SLC22A5: variants seen among roughly 807,000 people sequenced by gnomAD.
SLC22A5 encodes organic cation/carnitine transporter 2.
In SLC22A5, 44 loss-of-function variants were observed where a neutral mutation model predicts 56.7. That is an observed-to-expected ratio of 0.78 (90% CI 0.61 to 1.00). The LOEUF (loss-of-function observed/expected upper bound fraction) is 1.00. Among genes scored for constraint, SLC22A5 ranks in the 50% least tolerant of loss-of-function variants. The pLI is 0.00. For missense variants in SLC22A5, 675 were observed against 723.0 expected (o/e 0.93, Z 0.76); for synonymous variants, 278 against 292.1 (o/e 0.95, Z 0.49).
intron 2 of SLC22A5, chr5:132,383,447 A>C (rs1561570132): frequency 6.5e-6 from 1 of 153,728 alleles, no homozygotes. Context: ...AGTTCAGCAC[A>C]TTCCTCTATG....
In SLC22A5 at chr5:132,370,953, C is replaced by CTTTTTTTTTTT. The variant is rs750736082; in HGVS notation, c.393+590_393+600dup. On this transcript the variant is annotated intron_variant, in intron 1 of 9. Coordinates refer to ENST00000245407, the MANE Select transcript of SLC22A5 (RefSeq NM_003060.4). The stretch of plus-strand genomic sequence containing the variant: ...CCTTTTCCCATGGTCAGTTGTCAGT[C>CTTTTTTTTTTT]TTTTTTTTTTTTGAGACAGAGTCTC... 5.8e-3 allele frequency among the ~76,000 whole-genome samples: 770 copies of CTTTTTTTTTTT among 133,702 alleles called. 32 individuals are homozygous for CTTTTTTTTTTT. Among genetic ancestry groups the CTTTTTTTTTTT allele is most frequent in the African/African-American group, 9.0e-3 (333 of 36,882 alleles). The allele number at this position is 133,702 out of a possible 152,430, so 87.7% of individuals were successfully genotyped here.
chr5:132,388,954 C>A lies in SLC22A5; in HGVS notation c.985C>A (p.His329Asn). 6.2e-7 allele frequency: 1 copy of A among 1,613,850 alleles called. No homozygotes were observed. The highest frequency in any genetic ancestry group is 8.5e-7 in the Non-Finnish European group (1 of 1,179,756). ...CCTAAGTTCCAAGAAGCAGCAGTCC[C>A]ACAACATTCTGGATCTGCTTCGAAC... Reference protein sequence around the residue: ...QDLSSKKQQSHNILDLLRTWN... With the variant: ...QDLSSKKQQSNNILDLLRTWN... Residue 329 changes from histidine (H) to asparagine (N), a missense_variant, in exon 6 of 10, where the codon CAC becomes AAC. Transcript: ENST00000245407.
intron 5 of SLC22A5, among the ~76,000 whole-genome samples, 199 bp downstream of exon 5, chr5:132,387,350 C>T (rs193177356): frequency 5.0e-4 from 72 of 142,934 alleles, no homozygotes; most frequent in African/African-American, 1.8e-3. Flanking sequence ...GAATAGGTTA[C>T]AGCTGCCTCA....
Position 132,395,459 on chromosome 5 carries a change from T to C in SLC22A5, c.*1187T>C, listed in dbSNP as rs1203181159. On this transcript the variant is annotated 3_prime_UTR_variant, in exon 10 of 10. Coordinates refer to ENST00000245407, the MANE Select transcript of SLC22A5 (RefSeq NM_003060.4). ...TTATTGGGTGATATTTTGTGTTCAG[T>C]GTAATTGTCTTCTCTTTGCTGATTA... is the stretch of plus-strand genomic sequence containing the variant. The C allele has an allele frequency of 6.5e-6, 1 of 152,784 alleles. No homozygotes were observed. The highest frequency in any genetic ancestry group is 1.5e-5 in the Non-Finnish European group (1 of 68,028). 9.5% of individuals were successfully genotyped at this position (152,784 alleles called of 1,614,324 possible).
intron 5 of SLC22A5, 92 bp downstream of exon 5, chr5:132,387,243 AG>A: frequency 6.7e-7 from 1 of 1,498,850 alleles, no homozygotes; most frequent in Non-Finnish European, 9.3e-7. Flanking sequence ...TGCTCACAGC[AG>A]CCCAGCCCTC....
At chr5:132,373,881 G>A (rs1328444732) in intron 1 of SLC22A5, among the ~76,000 whole-genome samples, 1 of 151,804 alleles carries the variant, frequency 6.6e-6, no homozygotes, top group Non-Finnish European at 1.5e-5. Context: ...TCCGCTCTTT[G>A]GTTTCACCAT....
At chr5:132,383,894 G>A (rs1580884051) in intron 2 of SLC22A5, 1 of 544,962 alleles carries the variant, frequency 1.8e-6, no homozygotes, top group South Asian at 2.1e-5. Flanking sequence ...TCAGTCTCTT[G>A]CAATCATTAT....
At chr5:132,382,390 C>T (rs564733709) in intron 2 of SLC22A5, 1 of 151,758 alleles carries the variant, frequency 6.6e-6, no homozygotes, top group Non-Finnish European at 1.5e-5. Context: ...CAACCCACCC[C>T]CTGTGGCCTT....
intron 2 of SLC22A5, 177 bp from the exon 3 acceptor site, chr5:132,383,970 G>T: frequency 1.5e-6 from 1 of 673,024 alleles, no homozygotes; most frequent in East Asian, 2.7e-5. Context: ...ATGGGGAGTG[G>T]GGAGGGGGAG....
chr5:132,370,335 G>A lies in SLC22A5; in HGVS notation c.363G>A (p.Gln121=), dbSNP rs758991830. 1.2e-6 allele frequency: 2 copies of A among 1,612,254 alleles called. No individual in the cohort carries two copies. Among genetic ancestry groups the A allele is most frequent in the East Asian group, 2.2e-5 (1 of 44,854 alleles). The change falls in exon 1 of 10, where the codon CAG becomes CAA. Residue 121 remains glutamine (Q), a synonymous_variant. Transcript: ENST00000245407. The part of the protein sequence containing the change: ...ESCLDGWEFS[Q]DVYLSTIVTE... ...GTCTGGATGGCTGGGAGTTCAGTCAGGACGTCTACCTGTCCACCATTGTGA... is the reference window on the plus strand; with the variant it reads ...GTCTGGATGGCTGGGAGTTCAGTCAAGACGTCTACCTGTCCACCATTGTGA...
At chr5:132,377,129 G>C (rs1384468362) in intron 1 of SLC22A5, 1 of 152,398 alleles carries the variant, frequency 6.6e-6, no homozygotes, top group Non-Finnish European at 1.5e-5. Context: ...CACCAGCAGT[G>C]TGCCTGCTGC....
At chr5:132,390,499 G>A (rs1752660079) in intron 6 of SLC22A5, 191 bp from the exon 7 acceptor site, 1 of 674,936 alleles carries the variant, frequency 1.5e-6, no homozygotes, top group Non-Finnish European at 2.7e-6. Flanking sequence ...GGTTTACACT[G>A]TACCACTTGG....
At position 132,369,993 on chromosome 5, in the gene SLC22A5, G is replaced by C; in HGVS notation, c.21G>C (p.Val7=). Residue 7 remains valine (V), a synonymous_variant, in exon 1 of 10, where the codon GTG becomes GTC. Transcript: ENST00000245407. ...GCGGCATGCGGGACTACGACGAGGT[G>C]ACCGCCTTCCTGGGCGAGTGGGGGC... MRDYDE[V]TAFLGEWGPF... The C allele has an allele frequency of 3.1e-6, 5 of 1,613,244 alleles. No homozygotes were observed. In the South Asian group the frequency reaches 5.5e-5, roughly 18 times the overall value.
chr5:132,379,290 G>C (rs1448603322), intron 2 of SLC22A5: 1 of 152,230 alleles, frequency 6.6e-6, no homozygotes, highest in Admixed American at 6.5e-5. Context: ...GAAGAGAGTA[G>C]CAGCCTTCAG....
Position 132,390,752 on chromosome 5 carries a change from T to C in SLC22A5, c.1115T>C (p.Ile372Thr). 1 of 1,614,262 alleles carries C rather than the reference T, an allele frequency of 6.2e-7. No individual in the cohort carries two copies. The highest frequency in any genetic ancestry group is 2.2e-5 in the East Asian group (1 of 44,888). ...GATACTCCTAACTTGCATGGGGACA[T>C]CTTTGTGAACTGCTTCCTTTCAGCG... is the stretch of plus-strand genomic sequence containing the variant. The part of the protein sequence containing the change: ...SLDTPNLHGD[I>T]FVNCFLSAMV... The change falls in exon 7 of 10, where the codon ATC becomes ACC. Residue 372 changes from isoleucine to threonine, a missense_variant. By Grantham distance (89) the Ile-to-Thr change is moderately conservative. Coordinates refer to ENST00000245407, the MANE Select transcript of SLC22A5 (RefSeq NM_003060.4).
Position 132,384,301 on chromosome 5 carries a change from G to A in SLC22A5, c.652G>A (p.Gly218Arg). The change falls in exon 3 of 10, where the codon GGG (glycine) becomes AGG (arginine). Residue 218 changes from glycine (G) to arginine (R), a missense_variant and splice_region_variant. By Grantham distance (125) the Gly-to-Arg change is moderately radical (BLOSUM62 -2). Transcript: ENST00000245407. ...CAACTATGTGGCAGCATTTGTCCTG[G>A]GTATGGCCATCAGGTTGGAGTTGAG... Reference protein sequence around the residue: ...ISNYVAAFVLGTEILGKSVRI... With the variant: ...ISNYVAAFVLRTEILGKSVRI... 2 of 1,614,084 alleles carry A rather than the reference G, an allele frequency of 1.2e-6. No individual in the cohort carries two copies. The highest frequency in any genetic ancestry group is 1.7e-6 in the Non-Finnish European group (2 of 1,179,952).
At chr5:132,373,788 G>A (rs1403809775) in intron 1 of SLC22A5, among the ~76,000 whole-genome samples, 1 of 152,186 alleles carries the variant, frequency 6.6e-6, no homozygotes, top group Non-Finnish European at 1.5e-5. Flanking sequence ...TGGGGAATTA[G>A]CCAACCCATC....
At chr5:132,388,811 C>A in intron 5 of SLC22A5, 110 bp from the exon 6 acceptor site, 1 of 791,648 alleles carries the variant, frequency 1.3e-6, no homozygotes, top group East Asian at 2.5e-5. Flanking sequence ...TAACACTCCC[C>A]GACGCTGAGA....
At chr5:132,379,942 T>C (rs1428178409) in intron 2 of SLC22A5, 2 of 152,236 alleles carry the variant, frequency 1.3e-5, no homozygotes, top group African/African-American at 4.8e-5. Flanking sequence ...TCCTCTATTG[T>C]GTATGGACTA....
Sources: allele counts gnomAD v4.1 joint callset (sites outside exome capture counted in the v4.1 genomes callset), GRCh38; gene constraint gnomAD v4.1.1; transcripts MANE v1.5; gene names NCBI Gene and HGNC (gene_info 2026-07-23, HGNC 2026-07-21).